DIP2B: variants seen among roughly 807,000 people sequenced by gnomAD.
The protein encoded by DIP2B is DIP2 acetate--CoA ligase B (putative).
DIP2B carries 76 observed loss-of-function variants against 198.0 expected under a neutral mutation model. The observed-to-expected ratio is 0.38, with a 90% CI of 0.32 to 0.46. The LOEUF (loss-of-function observed/expected upper bound fraction) is 0.46, where lower values mean the gene tolerates loss of function less well. Among genes scored for constraint, DIP2B ranks in the 20% least tolerant of loss-of-function variants. DIP2B has a pLI of 0.99. For synonymous variants in DIP2B, 701 were observed against 739.1 expected, an observed-to-expected ratio of 0.95 and a Z score of 0.84; for missense variants, 1,559 against 1,978.4, an observed-to-expected ratio of 0.79 and a Z score of 4.02.
chr12:50,623,435 ACACT>A (rs1278410590), intron 1 of DIP2B, among the ~76,000 whole-genome samples: 1,041 of 41,292 alleles, frequency 0.025, 19 homozygotes, highest in East Asian at 0.13. Flanking sequence ...ACACACACAC[ACACT>A]CTCTCTCTCT....
intron 1 of DIP2B, among the ~76,000 whole-genome samples, chr12:50,572,038 A>G (rs186518396): frequency 7.2e-5 from 11 of 152,312 alleles, no homozygotes; most frequent in African/African-American, 2.4e-4. Flanking sequence ...AGAGTTTGTT[A>G]CAACACAGCT....
intron 1 of DIP2B, among the ~76,000 whole-genome samples, chr12:50,581,863 G>A (rs1565832701): frequency 6.6e-6 from 1 of 152,198 alleles, no homozygotes; most frequent in African/African-American, 2.4e-5. Flanking sequence ...AATTTGTTGA[G>A]GAAGGGAAGA....
Position 50,719,016 on chromosome 12 carries a change from T to G in DIP2B, c.3023T>G (p.Phe1008Cys). 1.2e-6 allele frequency: 2 copies of G among 1,614,202 alleles called. No homozygotes were observed. Among genetic ancestry groups the G allele is most frequent in the Non-Finnish European group, 1.7e-6 (2 of 1,180,016 alleles). ...RAQATPDHVLFMLLNAKGTTV... is the reference protein window; with the variant it reads ...RAQATPDHVLCMLLNAKGTTV... The stretch of plus-strand genomic sequence containing the variant: ...CAGGCGACTCCTGACCATGTACTCT[T>G]CATGCTGTTAAATGCCAAGGTATTA... The change falls in exon 25 of 38, where the codon TTC becomes TGC. Residue 1008 changes from phenylalanine to cysteine, a missense_variant. Coordinates refer to ENST00000301180, the MANE Select transcript of DIP2B (RefSeq NM_173602.3).
At chr12:50,632,210 G>A (rs2139477707) in intron 2 of DIP2B, among the ~76,000 whole-genome samples, 1 of 152,002 alleles carries the variant, frequency 6.6e-6, no homozygotes, top group South Asian at 2.1e-4. Context: ...AGTTGGACTG[G>A]GTTCAGTGGC....
At chr12:50,686,070 T>C (rs1447289975) in intron 11 of DIP2B, 114 bp downstream of exon 11, 2 of 1,108,098 alleles carry the variant, frequency 1.8e-6, no homozygotes, top group South Asian at 1.8e-5. Flanking sequence ...TTAATTCTCA[T>C]AGTCTTATGA....
rs1171632196 is a variant in DIP2B at position 50,678,985 on chromosome 12, A to AT, written c.1114+115dup. On this transcript the variant is annotated intron_variant, in intron 8 of 37. Transcript: ENST00000301180. ...GTTGCTGGCCATTATGTTTCAGTAG[A>AT]TTTTTTCAATAATTTAAAAGGATCC... 93 of 1,242,856 alleles carry AT rather than the reference A, an allele frequency of 7.5e-5. 1 individual carries two copies. The South Asian group carries it at 1.2e-3, about 16-fold the overall frequency. 77.0% of individuals were successfully genotyped at this position (1,242,856 alleles called of 1,614,324 possible). A position where few individuals can be genotyped will look rare whatever the true frequency, so the allele number is the denominator to read the frequency against.
At position 50,505,017 on chromosome 12, in the gene DIP2B, G is replaced by A. The variant is rs919388817; in HGVS notation, c.-124G>A. 8 of 998,312 alleles carry A rather than the reference G, an allele frequency of 8.0e-6. 1 individual carries two copies. The highest frequency in any genetic ancestry group is 7.3e-5 in the Admixed American group (3 of 41,226). The allele number at this position is 998,312 out of a possible 1,614,324, so 61.8% of individuals were successfully genotyped here. A position where few individuals can be genotyped will look rare whatever the true frequency, so the allele number is the denominator to read the frequency against. ...CTTTGCTCATGGCGGCGGCGGCGGC[G>A]GCGGCGGTGCTGGTGGTGCTCGGCG... On this transcript the variant is annotated 5_prime_UTR_variant, in exon 1 of 38. Transcript: ENST00000301180.
intron 1 of DIP2B, among the ~76,000 whole-genome samples, chr12:50,548,425 A>G (rs1234457380): frequency 6.6e-6 from 1 of 152,248 alleles, no homozygotes; most frequent in Non-Finnish European, 1.5e-5. Flanking sequence ...GTATATATAC[A>G]CAGACACACA....
intron 1 of DIP2B, among the ~76,000 whole-genome samples, chr12:50,507,579 T>C (rs1486955699): frequency 6.6e-6 from 1 of 152,114 alleles, no homozygotes; most frequent in African/African-American, 2.4e-5. Context: ...TGAGATGGAG[T>C]CTCACACTGT....
intron 1 of DIP2B, among the ~76,000 whole-genome samples, chr12:50,564,020 A>G (rs766897596): frequency 6.6e-6 from 1 of 151,526 alleles, no homozygotes; most frequent in Non-Finnish European, 1.5e-5. Context: ...TCCACTTTCC[A>G]CTTCTGTTCC....
intron 27 of DIP2B, among the ~76,000 whole-genome samples, chr12:50,724,181 G>A (rs1441763077): frequency 6.6e-6 from 1 of 152,186 alleles, no homozygotes. Flanking sequence ...AAATGCCCTT[G>A]TTATATTCTA....
intron 23 of DIP2B, among the ~76,000 whole-genome samples, chr12:50,717,641 A>G (rs1939754362): frequency 6.6e-6 from 1 of 151,950 alleles, no homozygotes; most frequent in South Asian, 2.1e-4. Flanking sequence ...TACTGGGATT[A>G]TAGGCGTGAG....
intron 1 of DIP2B, 134 bp from the exon 2 acceptor site, chr12:50,625,842 C>T (rs1309366161): frequency 1.2e-6 from 1 of 829,272 alleles, no homozygotes; most frequent in Non-Finnish European, 1.9e-6. Flanking sequence ...TGGCAAAGAA[C>T]CATACATTCC....
chr12:50,632,656 C>T (rs1048045590), intron 2 of DIP2B, among the ~76,000 whole-genome samples: 1 of 151,432 alleles, frequency 6.6e-6, no homozygotes, highest in African/African-American at 2.4e-5. Context: ...CCTGCCTCAG[C>T]CTCCTGAGTA....
At chr12:50,712,674 C>T (rs1259649998) in intron 22 of DIP2B, among the ~76,000 whole-genome samples, 1 of 151,876 alleles carries the variant, frequency 6.6e-6, no homozygotes, top group South Asian at 2.1e-4. Flanking sequence ...TTTGGGAGGC[C>T]GAGGCAGGTG....
chr12:50,625,152 C>T (rs1001039040), intron 1 of DIP2B, among the ~76,000 whole-genome samples: 6 of 152,162 alleles, frequency 3.9e-5, no homozygotes, highest in African/African-American at 1.4e-4. Flanking sequence ...TGTCATGTCA[C>T]CTCACCACAT....
In DIP2B at chr12:50,505,249, C is replaced by A; in HGVS notation, c.100+9C>A. On this transcript the variant is annotated intron_variant, in intron 1 of 37. Coordinates refer to ENST00000301180, the MANE Select transcript of DIP2B (RefSeq NM_173602.3). ...GCTGGAGCTCTCGGAGGGTAGGAGC[C>A]GGGCCGGGGAGAGGGCGCCCGGGGC... is the stretch of plus-strand genomic sequence containing the variant. 1 of 1,496,698 alleles carries A rather than the reference C, an allele frequency of 6.7e-7. No homozygotes were observed. Among genetic ancestry groups the A allele is most frequent in the South Asian group, 1.2e-5 (1 of 80,768 alleles). The allele number at this position is 1,496,698 out of a possible 1,614,324, so 92.7% of individuals were successfully genotyped here.
chr12:50,695,898 C>T lies in DIP2B; in HGVS notation c.1864C>T (p.His622Tyr), dbSNP rs1939302728. ...GGACTTGCACTGGGCTATGATGGCA[C>T]ATCGGGACCAAAGAGACGTGAGCTT... ...CRDLHWAMMAHRDQRDVSLSS... is the reference protein window; with the variant it reads ...CRDLHWAMMAYRDQRDVSLSS... The change falls in exon 16 of 38, where the codon CAT (histidine) becomes TAT (tyrosine). Residue 622 changes from histidine (H) to tyrosine (Y), a missense_variant. Coordinates refer to ENST00000301180, the MANE Select transcript of DIP2B (RefSeq NM_173602.3). The T allele has an allele frequency of 3.1e-6, 5 of 1,614,020 alleles. No individual in the cohort carries two copies. The highest frequency in any genetic ancestry group is 1.7e-5 in the Admixed American group (1 of 60,006).
intron 12 of DIP2B, 112 bp downstream of exon 12, chr12:50,686,794 C>A: frequency 3.2e-6 from 3 of 946,138 alleles, no homozygotes; most frequent in Non-Finnish European, 3.1e-6. Flanking sequence ...GATCCTCCTG[C>A]TTTGTGAGAT....
Sources: allele counts gnomAD v4.1 joint callset (sites outside exome capture counted in the v4.1 genomes callset), GRCh38; gene constraint gnomAD v4.1.1; transcripts MANE v1.5; gene names NCBI Gene and HGNC (gene_info 2026-07-23, HGNC 2026-07-21).